MGAT4C: variants seen among roughly 807,000 people sequenced by gnomAD.
MGAT4C encodes alpha-1,3-mannosyl-glycoprotein 4-beta-N-acetylglucosaminyltransferase C.
Under a neutral mutation model 40.1 loss-of-function variants are expected in MGAT4C, and 19 were observed. The observed-to-expected ratio is 0.47, with a 90% CI of 0.33 to 0.70. The LOEUF (loss-of-function observed/expected upper bound fraction) is 0.70, where lower values mean the gene tolerates loss of function less well. Among genes scored for constraint, MGAT4C ranks in the 30% least tolerant of loss-of-function variants. MGAT4C has a pLI of 0.02. For missense variants in MGAT4C, 491 were observed against 563.2 expected, an observed-to-expected ratio of 0.87 and a Z score of 1.30; for synonymous variants, 181 against 187.1, an observed-to-expected ratio of 0.97 and a Z score of 0.27.
intron 2 of MGAT4C, among the ~76,000 whole-genome samples, chr12:86,641,232 A>C (rs1207919009): frequency 6.6e-6 from 1 of 151,858 alleles, no homozygotes; most frequent in Non-Finnish European, 1.5e-5. Flanking sequence ...ACATGGATGA[A>C]ATTGGAAATA....
intron 2 of MGAT4C, among the ~76,000 whole-genome samples, chr12:86,039,454 T>G (rs557158246): frequency 3.9e-5 from 6 of 152,220 alleles, no homozygotes; most frequent in Non-Finnish European, 7.3e-5. Context: ...GTCTTCTCAC[T>G]TTATTTCTTT....
chr12:86,202,115 T>C (rs1950075323), intron 1 of MGAT4C, among the ~76,000 whole-genome samples: 1 of 152,144 alleles, frequency 6.6e-6, no homozygotes, highest in Non-Finnish European at 1.5e-5. Flanking sequence ...AGTCACGATT[T>C]TGCTGGATAG....
At chr12:86,404,656 C>G (rs1342074607) in intron 3 of MGAT4C, among the ~76,000 whole-genome samples, 1 of 152,034 alleles carries the variant, frequency 6.6e-6, no homozygotes, top group East Asian at 1.9e-4. Flanking sequence ...GTTTCACACA[C>G]TGAATTGGTG....
rs1022511912 is a variant in MGAT4C at position 86,817,263 on chromosome 12, T to C, written c.-262+21403A>G. Among the ~76,000 whole-genome samples, 8 of 151,566 alleles carry C rather than the reference T, an allele frequency of 5.3e-5. No homozygotes were observed. The East Asian group carries it at 1.5e-3, about 29-fold the overall frequency. ...TTTAAGTTTACATTCACTTCACTTT[T>C]GATTGATAGAATATTTAAATTGTTT... On this transcript the variant is annotated intron_variant, in intron 1 of 7. Coordinates refer to the MGAT4C transcript ENST00000548651.
intron 3 of MGAT4C, among the ~76,000 whole-genome samples, chr12:86,342,547 T>C (rs1030961582): frequency 1.3e-5 from 2 of 152,150 alleles, no homozygotes; most frequent in African/African-American, 2.4e-5. Flanking sequence ...AGGAGAGGTG[T>C]CAGTCTGTCT....
At chr12:86,450,575 T>C (rs1455692428) in intron 2 of MGAT4C, among the ~76,000 whole-genome samples, 1 of 152,134 alleles carries the variant, frequency 6.6e-6, no homozygotes, top group Non-Finnish European at 1.5e-5. Context: ...AACATATATT[T>C]AACTATATCA....
At chr12:86,420,811 A>T (rs374708054) in intron 3 of MGAT4C, among the ~76,000 whole-genome samples, 1 of 148,734 alleles carries the variant, frequency 6.7e-6, no homozygotes, top group Non-Finnish European at 1.5e-5. Flanking sequence ...ACACATATAT[A>T]TGTGTGTGTG....
At chr12:86,621,915 T>C (rs1962651057) in intron 2 of MGAT4C, among the ~76,000 whole-genome samples, 2 of 152,190 alleles carry the variant, frequency 1.3e-5, no homozygotes, top group Admixed American at 6.5e-5. Context: ...TCTTGCAATG[T>C]TTGGCAGTGG....
intron 2 of MGAT4C, among the ~76,000 whole-genome samples, chr12:86,604,112 T>G (rs963920747): frequency 6.6e-6 from 1 of 151,986 alleles, no homozygotes; most frequent in Non-Finnish European, 1.5e-5. Context: ...ACAAAGAGGC[T>G]TTAATCAACG....
At chr12:86,162,256 A>G (rs186302900) in intron 1 of MGAT4C, among the ~76,000 whole-genome samples, 51 of 152,324 alleles carry the variant, frequency 3.3e-4, no homozygotes, top group African/African-American at 1.1e-3. Flanking sequence ...GGTACCCATC[A>G]ATAATAGACT....
At chr12:86,210,797 A>C (rs745845578) in intron 1 of MGAT4C, among the ~76,000 whole-genome samples, 2 of 152,184 alleles carry the variant, frequency 1.3e-5, no homozygotes, top group Non-Finnish European at 2.9e-5. Context: ...TAGGATGTTT[A>C]GTTGATTACT....
At chr12:86,652,746 A>G (rs1035721388) in intron 2 of MGAT4C, among the ~76,000 whole-genome samples, 2 of 151,956 alleles carry the variant, frequency 1.3e-5, no homozygotes, top group Non-Finnish European at 2.9e-5. Flanking sequence ...AAATGCATAG[A>G]GAGATGAAAA....
intron 1 of MGAT4C, among the ~76,000 whole-genome samples, chr12:86,800,844 T>C (rs1952212437): frequency 6.6e-6 from 1 of 151,886 alleles, no homozygotes; most frequent in South Asian, 2.1e-4. Flanking sequence ...CCTCTGGATT[T>C]CTTTATCTAT....
In MGAT4C at chr12:86,401,436, G is replaced by A. The variant is rs138463885; in HGVS notation, c.-120+33721C>T. 9.5e-4 allele frequency among the ~76,000 whole-genome samples: 145 copies of A among 151,960 alleles called. 1 individual carries two copies. The Middle Eastern group carries it at 0.017, about 18-fold the overall frequency. ...AACAATAACAACAACAAAAATCACT[G>A]GATTTTTCAATGTTACCATGTCACA... is the stretch of plus-strand genomic sequence containing the variant. On this transcript the variant is annotated intron_variant, in intron 3 of 7. Coordinates refer to the MGAT4C transcript ENST00000548651.
intron 4 of MGAT4C, 138 bp downstream of exon 4, chr12:85,983,385 A>G: frequency 1.2e-6 from 1 of 800,728 alleles, no homozygotes; most frequent in Admixed American, 3.8e-5. Context: ...CAATTTGTGA[A>G]GAAACATTGA....
intron 1 of MGAT4C, among the ~76,000 whole-genome samples, chr12:86,069,194 A>T (rs1471852113): frequency 6.6e-6 from 1 of 152,104 alleles, no homozygotes; most frequent in Admixed American, 6.6e-5. Context: ...ATAATATAAC[A>T]TTATAGTGTA....
At chr12:86,632,140 C>G (rs1279405251) in intron 2 of MGAT4C, among the ~76,000 whole-genome samples, 2 of 151,864 alleles carry the variant, frequency 1.3e-5, no homozygotes, top group South Asian at 2.1e-4. Flanking sequence ...ATGCAGCCAG[C>G]AGACACATGA....
chr12:86,684,668 T>C (rs1175828258), intron 2 of MGAT4C, among the ~76,000 whole-genome samples: 2 of 152,228 alleles, frequency 1.3e-5, no homozygotes, highest in African/African-American at 4.8e-5. Context: ...AGCATTCATA[T>C]TTCTCCACAT....
intron 2 of MGAT4C, among the ~76,000 whole-genome samples, chr12:86,669,846 C>T (rs1040044815): frequency 1.3e-5 from 2 of 152,204 alleles, no homozygotes; most frequent in African/African-American, 4.8e-5. Flanking sequence ...ACAGCTGGCT[C>T]TTACCTATAA....
Sources: gnomAD v4.1 joint callset for allele counts (sites outside exome capture counted in the v4.1 genomes callset) on GRCh38, gnomAD v4.1.1 for gene constraint, MANE v1.5 for transcripts, NCBI Gene and HGNC (gene_info 2026-07-23, HGNC 2026-07-21) for gene names.